The following TENM1 variants were observed in gnomAD, a reference collection of about 807,000 sequenced individuals.
The protein encoded by TENM1 is teneurin-1.
In TENM1, 35 loss-of-function variants were observed where a neutral mutation model predicts 174.8. That is an observed-to-expected ratio of 0.20 (90% CI 0.15 to 0.27). The LOEUF is 0.27. TENM1 is among the 10% of genes least tolerant of loss of function. The probability of loss-of-function intolerance (pLI) is 1.00; values close to 1 mark genes in which losing one functional copy is unlikely to be tolerated. For missense variants in TENM1, 1,633 were observed against 2,130.1 expected (o/e 0.77, Z 4.59); for synonymous variants, 781 against 798.7 (o/e 0.98, Z 0.37).
the TENM1 span, among the ~76,000 whole-genome samples, chrX:125,093,756 TTAAGG>T: frequency 8.9e-6 from 1 of 111,985 alleles, no homozygotes; most frequent in Non-Finnish European, 1.9e-5. Context: ...TATTGTACTG[TTAAGG>T]TATCATTTAC....
intron 8 of TENM1, 113 bp downstream of exon 11, chrX:124,651,801 A>C (rs957485536): frequency 9.7e-7 from 1 of 1,029,156 alleles, no homozygotes; most frequent in Non-Finnish European, 1.3e-6. Context: ...CTCAATAATG[A>C]CTTCAACTCA....
At chrX:124,971,608 TA>T in the TENM1 span, among the ~76,000 whole-genome samples, 8 of 111,498 alleles carry the variant, frequency 7.2e-5, no homozygotes, top group African/African-American at 1.3e-4. Context: ...TCAATTTTTT[TA>T]TTATTATTTC....
At chrX:124,614,775 C>T (rs374322441) in intron 11 of TENM1, among the ~76,000 whole-genome samples, 1 of 112,086 alleles carries the variant, frequency 8.9e-6, no homozygotes, top group East Asian at 2.8e-4. Context: ...CCCAGCTACT[C>T]GGGAGGCTGA....
At chrX:124,963,134 G>C (rs749913434) in intron 1 of TENM1, among the ~76,000 whole-genome samples, 1 of 112,317 alleles carries the variant, frequency 8.9e-6, no homozygotes, top group African/African-American at 3.2e-5. Flanking sequence ...ACCCTGTTTG[G>C]TGGTCTCCAC....
chrX:124,693,740 G>A (rs1301746510), intron 5 of TENM1, among the ~76,000 whole-genome samples: 1 of 109,842 alleles, frequency 9.1e-6, no homozygotes, highest in African/African-American at 3.3e-5. Context: ...TTCTGCTTTG[G>A]GGTTGGCTAT....
At chrX:124,580,036 T>C (rs1248682382) in intron 11 of TENM1, among the ~76,000 whole-genome samples, 1 of 111,316 alleles carries the variant, frequency 9.0e-6, no homozygotes, top group Non-Finnish European at 1.9e-5. Flanking sequence ...TAAGATTCTA[T>C]TATTGGAGCT....
intron 11 of TENM1, among the ~76,000 whole-genome samples, chrX:124,632,215 C>A (rs780482896): frequency 9.1e-6 from 1 of 110,303 alleles, no homozygotes; most frequent in African/African-American, 3.3e-5. Flanking sequence ...CCGGCCCATA[C>A]TGATCTTTAA....
At chrX:124,876,716 A>G (rs1184875078) in intron 3 of TENM1, among the ~76,000 whole-genome samples, 1 of 111,859 alleles carries the variant, frequency 8.9e-6, no homozygotes, top group Non-Finnish European at 1.9e-5. Flanking sequence ...TTTTATTTCT[A>G]TTTTACAAAT....
intron 4 of TENM1, among the ~76,000 whole-genome samples, chrX:124,715,550 A>T (rs1462159661): frequency 9.0e-6 from 1 of 111,252 alleles, no homozygotes; most frequent in Non-Finnish European, 1.9e-5. Context: ...TTTATACAGG[A>T]GGGGGTAGTG....
At chrX:124,912,942 C>T (rs1167937681) in intron 1 of TENM1, among the ~76,000 whole-genome samples, 2 of 110,989 alleles carry the variant, frequency 1.8e-5, no homozygotes, top group Non-Finnish European at 3.8e-5. Flanking sequence ...ATATATAAAA[C>T]TAAAATATAT....
intron 3 of TENM1, among the ~76,000 whole-genome samples, chrX:124,877,702 T>C (rs998438015): frequency 9.0e-6 from 1 of 111,364 alleles, no homozygotes; most frequent in African/African-American, 3.3e-5. Context: ...GGTTTATTAG[T>C]ACAGCTGACG....
chrX:125,202,673 T>A, the TENM1 span, among the ~76,000 whole-genome samples: 2 of 87,867 alleles, frequency 2.3e-5, no homozygotes, highest in African/African-American at 8.7e-5. Context: ...ACTCTCCCAG[T>A]GGCGACACAG....
At chrX:124,676,607 T>G (rs1161225368) in intron 5 of TENM1, among the ~76,000 whole-genome samples, 1 of 107,929 alleles carries the variant, frequency 9.3e-6, no homozygotes, top group Non-Finnish European at 1.9e-5. Context: ...ATGAATGGAT[T>G]GTCTTGGCTC....
the TENM1 span, among the ~76,000 whole-genome samples, chrX:125,116,748 A>G: frequency 8.9e-6 from 1 of 112,334 alleles, no homozygotes; most frequent in Non-Finnish European, 1.9e-5. Flanking sequence ...ATGGTGGCTC[A>G]CGCCTGTAAT....
At chrX:125,148,082 T>A in the TENM1 span, among the ~76,000 whole-genome samples, 1 of 111,496 alleles carries the variant, frequency 9.0e-6, no homozygotes, top group Non-Finnish European at 1.9e-5. Flanking sequence ...TTTTCAAGAA[T>A]CTTTCTCACC....
chrX:124,646,332 T>G (rs1184113224), intron 9 of TENM1, among the ~76,000 whole-genome samples: 3 of 112,301 alleles, frequency 2.7e-5, no homozygotes, highest in African/African-American at 9.7e-5. Flanking sequence ...CAGCTCATTA[T>G]GAATTAGTTT....
intron 11 of TENM1, among the ~76,000 whole-genome samples, chrX:124,573,978 G>A (rs1211855640): frequency 8.9e-6 from 1 of 111,921 alleles, no homozygotes; most frequent in Non-Finnish European, 1.9e-5. Context: ...TCTATTTCCT[G>A]TGTAATATTT....
rs1266699658 is a variant in TENM1, at chrX:124,900,926, G to A, written c.218-4685C>T. ...CCTGCCTCACCCTCCCAAGTAGCTGGGATTACAGGTGCCTGCCACCATGCC... is the reference window on the plus strand; with the variant it reads ...CCTGCCTCACCCTCCCAAGTAGCTGAGATTACAGGTGCCTGCCACCATGCC... On this transcript the variant is annotated intron_variant, in intron 1 of 31. Coordinates refer to ENST00000422452, the Ensembl canonical transcript of TENM1. 2.8e-5 allele frequency among the ~76,000 whole-genome samples: 3 copies of A among 109,046 alleles called. No individual in the cohort carries two copies. In the South Asian group the frequency reaches 1.2e-3, roughly 45 times the overall value. 94.7% of individuals were successfully genotyped at this position (109,046 alleles called of 115,157 possible).
At chrX:124,503,641 C>T (rs766098485) in exon 19 of TENM1, 28 of 1,206,826 alleles carry the variant, frequency 2.3e-5, no homozygotes, top group South Asian at 1.9e-4. Flanking sequence ...CCTTGTAAAA[C>T]GACTGTCCTT....
Sources: allele counts gnomAD v4.1 joint callset (sites outside exome capture counted in the v4.1 genomes callset), GRCh38; gene constraint gnomAD v4.1.1; transcripts MANE v1.5; gene names NCBI Gene and HGNC (gene_info 2026-07-23, HGNC 2026-07-21).